Variants in CSGALNACT1 observed in about 807,000 individuals in gnomAD.
CSGALNACT1 encodes chondroitin sulfate N-acetylgalactosaminyltransferase 1.
In CSGALNACT1, 52 loss-of-function variants were observed where a neutral mutation model predicts 51.0. That is an observed-to-expected ratio of 1.02 (90% confidence interval 0.82 to 1.29). CSGALNACT1 has a LOEUF of 1.29. Ranked by LOEUF, CSGALNACT1 falls within the 50% of genes most tolerant of loss-of-function variation. The pLI is 0.00. For synonymous variants in CSGALNACT1, 341 were observed against 254.4 expected, an observed-to-expected ratio of 1.34 and a Z score of -3.24; for missense variants, 935 against 679.2, an observed-to-expected ratio of 1.38 and a Z score of -4.19.
chr8:19,475,749 C>T (rs575462682), intron 4 of CSGALNACT1, among the ~76,000 whole-genome samples: 4 of 152,304 alleles, frequency 2.6e-5, no homozygotes, highest in African/African-American at 9.6e-5. Flanking sequence ...GAACGCCAAA[C>T]TATGTTTTGG....
chr8:19,505,566 C>T (rs548589614), exon 4 of CSGALNACT1: 1 of 1,613,898 alleles, frequency 6.2e-7, no homozygotes, highest in Non-Finnish European at 8.5e-7. Context: ...GAGCTGCTCA[C>T]TCCTCTCCTG....
At chr8:19,683,277 T>C (rs955198784), upstream of CSGALNACT1, 1 of 152,262 alleles carries the variant, frequency 6.6e-6, no homozygotes, top group Non-Finnish European at 1.5e-5. Flanking sequence ...TTAGGAAGCC[T>C]GCCTATAGCC....
intron 4 of CSGALNACT1, among the ~76,000 whole-genome samples, chr8:19,494,722 G>C (rs551543702): frequency 1.3e-5 from 2 of 152,102 alleles, no homozygotes; most frequent in East Asian, 3.9e-4. Flanking sequence ...ATTTCCTCTG[G>C]TTCTGTTCTT....
upstream of CSGALNACT1, among the ~76,000 whole-genome samples, chr8:19,603,923 TCA>T (rs780090215): frequency 6.6e-6 from 1 of 152,056 alleles, no homozygotes; most frequent in Admixed American, 6.6e-5. Context: ...GAAGAACTGT[TCA>T]CAGTTTTCTC....
chr8:19,707,720 G>T (rs577467419), intron 1 of CSGALNACT1, among the ~76,000 whole-genome samples: 84 of 152,248 alleles, frequency 5.5e-4, no homozygotes, highest in African/African-American at 2.0e-3. Context: ...TAGCTATAAG[G>T]CCGGGTGTGG....
At chr8:19,611,713 A>T (rs76584704) in intron 1 of CSGALNACT1, among the ~76,000 whole-genome samples, 11,760 of 152,260 alleles carry the variant, frequency 0.077, 518 homozygotes, top group South Asian at 0.11. Flanking sequence ...TGGCTTAAAA[A>T]GACTCTTTCT....
chr8:19,668,126 T>C (rs1014575764), intron 1 of CSGALNACT1, among the ~76,000 whole-genome samples: 1 of 152,218 alleles, frequency 6.6e-6, no homozygotes, highest in Non-Finnish European at 1.5e-5. Flanking sequence ...ATCTACACAA[T>C]GAAAAATAGT....
chr8:19,722,028 T>A (rs1055440215), intron 1 of CSGALNACT1, among the ~76,000 whole-genome samples: 2 of 151,708 alleles, frequency 1.3e-5, no homozygotes, highest in Non-Finnish European at 3.0e-5. Flanking sequence ...AATTTCATAT[T>A]GAATTTTTTT....
intron 8 of CSGALNACT1, among the ~76,000 whole-genome samples, chr8:19,414,099 C>T (rs1289935284): frequency 1.3e-5 from 2 of 152,138 alleles, no homozygotes; most frequent in Non-Finnish European, 1.5e-5. Flanking sequence ...CTGAAATAGG[C>T]CACGGTGGGA....
intron 4 of CSGALNACT1, among the ~76,000 whole-genome samples, chr8:19,498,420 G>T (rs1408829772): frequency 6.6e-6 from 1 of 152,220 alleles, no homozygotes; most frequent in Non-Finnish European, 1.5e-5. Context: ...TGAGATGGGA[G>T]AGGCTGAGCA....
At chr8:19,485,353 G>A (rs930136321) in intron 4 of CSGALNACT1, among the ~76,000 whole-genome samples, 16 of 151,976 alleles carry the variant, frequency 1.1e-4, no homozygotes, top group Admixed American at 4.6e-4. Flanking sequence ...TCCAGATTCC[G>A]ACTAGGCACT....
chr8:19,496,539 TG>T (rs1174060452), intron 4 of CSGALNACT1, among the ~76,000 whole-genome samples: 5 of 152,226 alleles, frequency 3.3e-5, no homozygotes, highest in African/African-American at 1.2e-4. Context: ...TTCAGACTTC[TG>T]TTTCTGCTCC....
intron 1 of CSGALNACT1, among the ~76,000 whole-genome samples, chr8:19,657,063 AT>A (rs1278165383): frequency 9.4e-6 from 1 of 105,884 alleles, no homozygotes; most frequent in African/African-American, 3.4e-5. Context: ...ACTCCATCTC[AT>A]TAAAAAAAAA....
At chr8:19,535,382 C>G (rs1210487387) in intron 3 of CSGALNACT1, among the ~76,000 whole-genome samples, 3 of 152,042 alleles carry the variant, frequency 2.0e-5, no homozygotes, top group Admixed American at 6.6e-5. Context: ...AACTTCTACT[C>G]CAAAAGAGCA....
chr8:19,576,552 G>A (rs1414027025), intron 3 of CSGALNACT1, among the ~76,000 whole-genome samples: 3 of 151,802 alleles, frequency 2.0e-5, no homozygotes, highest in African/African-American at 4.8e-5. Context: ...TCACCTTCTC[G>A]GTGGTCATCA....
intron 1 of CSGALNACT1, among the ~76,000 whole-genome samples, chr8:19,698,567 C>G (rs924911588): frequency 6.6e-6 from 1 of 152,150 alleles, no homozygotes; most frequent in Non-Finnish European, 1.5e-5. Context: ...AGCAGTGATT[C>G]TCAAAGAAGT....
intron 6 of CSGALNACT1, among the ~76,000 whole-genome samples, chr8:19,428,586 A>G (rs1163801415): frequency 6.6e-6 from 1 of 152,286 alleles, no homozygotes; most frequent in Non-Finnish European, 1.5e-5. Context: ...CAGCCAAACC[A>G]TATCAGAGAC....
intron 4 of CSGALNACT1, among the ~76,000 whole-genome samples, chr8:19,487,760 T>G (rs1027760734): frequency 1.3e-5 from 2 of 152,134 alleles, no homozygotes; most frequent in African/African-American, 4.8e-5. Flanking sequence ...CCATCCATCT[T>G]CTAATAGGAT....
chr8:19,411,941 G>A (rs145043118), intron 8 of CSGALNACT1, among the ~76,000 whole-genome samples: 1,561 of 150,702 alleles, frequency 0.01, 27 homozygotes, highest in African/African-American at 0.036. Context: ...AGCAATTCTC[G>A]TGCCTCAGCC....
Sources: allele counts gnomAD v4.1 joint callset (sites outside exome capture counted in the v4.1 genomes callset), GRCh38; gene constraint gnomAD v4.1.1; transcripts MANE v1.5; gene names NCBI Gene and HGNC (gene_info 2026-07-23, HGNC 2026-07-21).